MOCS2: variants seen among roughly 807,000 people sequenced by gnomAD.
The protein encoded by MOCS2 is molybdenum cofactor synthesis 2.
In MOCS2, 13 loss-of-function variants were observed where a neutral mutation model predicts 21.9. The observed-to-expected ratio is 0.59, with a 90% CI of 0.39 to 0.94. MOCS2 has a LOEUF of 0.94. Ranked by LOEUF, MOCS2 falls within the 40% of genes least tolerant of loss-of-function variation. The pLI, the probability that MOCS2 is intolerant of heterozygous loss-of-function variation, is 0.00. For synonymous variants in MOCS2, 92 were observed against 80.8 expected, an observed-to-expected ratio of 1.14 and a Z score of -0.74; for missense variants, 227 against 218.3, an observed-to-expected ratio of 1.04 and a Z score of -0.25.
At chr5:53,105,319 C>A (rs1741021825) in intron 3 of MOCS2, among the ~76,000 whole-genome samples, 2 of 152,106 alleles carry the variant, frequency 1.3e-5, no homozygotes, top group African/African-American at 4.8e-5. Flanking sequence ...TACCCAACTT[C>A]AAACTATACC....
At chr5:53,105,222 A>G (rs1468584280) in intron 3 of MOCS2, among the ~76,000 whole-genome samples, 1 of 152,134 alleles carries the variant, frequency 6.6e-6, no homozygotes, top group Non-Finnish European at 1.5e-5. Context: ...AAAAGTACAC[A>G]GACAGTCCAA....
Position 53,109,547 on chromosome 5 carries a change from C to CCGGGGT in MOCS2, c.-467_-466insACCCCG. ...AGTAAAGCCCGGAGACAGGAAGGGC[C>CCGGGGT]CGGGGGCGGGGGCGGGGGCGCCCCC... On this transcript the variant is annotated 5_prime_UTR_variant, in exon 1 of 7. Transcript: ENST00000396954. 1 of 1,341,398 alleles carries CCGGGGT rather than the reference C, an allele frequency of 7.5e-7. No individual in the cohort carries two copies. 83.1% of individuals were successfully genotyped at this position (1,341,398 alleles called of 1,614,324 possible). A position where few individuals can be genotyped will look rare whatever the true frequency, so the allele number is the denominator to read the frequency against.
Position 53,107,116 on chromosome 5 carries a change from G to C in MOCS2, c.59C>G (p.Ser20Cys). 1.2e-6 allele frequency: 2 copies of C among 1,614,110 alleles called. No individual in the cohort carries two copies. Among genetic ancestry groups the C allele is most frequent in the Non-Finnish European group, 1.7e-6 (2 of 1,180,002 alleles). ...CFSLETKLPL[S>C]PPLVEDSAFE... Reference sequence around the variant, plus strand: ...AGCACTATCCTCCACTAATGGGGGGGATAACGGCAATTTCGTCTCCAGGCT... The same window carrying C: ...AGCACTATCCTCCACTAATGGGGGGCATAACGGCAATTTCGTCTCCAGGCT... The change falls in exon 3 of 7, where the codon TCC becomes TGC. Residue 20 changes from serine (S) to cysteine (C), a missense_variant. Transcript: ENST00000396954.
chr5:53,102,499 G>C (rs1342898935), intron 3 of MOCS2, among the ~76,000 whole-genome samples: 1 of 152,110 alleles, frequency 6.6e-6, no homozygotes, highest in East Asian at 1.9e-4. Context: ...CTGATACAAT[G>C]ATACAAAGTT....
In MOCS2 at chr5:53,098,449, A is replaced by G. The variant is rs1740812382; in HGVS notation, c.*153T>C. On this transcript the variant is annotated 3_prime_UTR_variant, in exon 7 of 7. Coordinates refer to ENST00000396954, the MANE Select transcript of MOCS2 (RefSeq NM_004531.5). ...AAATAACCCTTCATCCTACATACCC[A>G]TTTATCTTGCTTCCTTTTTCTCCCT... 2.9e-6 allele frequency: 2 copies of G among 700,592 alleles called. No individual in the cohort carries two copies. Among genetic ancestry groups the G allele is most frequent in the South Asian group, 3.3e-5 (2 of 61,518 alleles). The allele number at this position is 700,592 out of a possible 1,614,324, so 43.4% of individuals were successfully genotyped here. A position where few individuals can be genotyped will look rare whatever the true frequency, so the allele number is the denominator to read the frequency against.
rs992020971 is a variant in MOCS2, at chr5:53,096,969, T to C, written c.*1633A>G. The C allele has an allele frequency of 1.3e-5, 2 of 152,176 alleles. No individual in the cohort carries two copies. The highest frequency in any genetic ancestry group is 4.8e-5 in the African/African-American group (2 of 41,428). The allele number at this position is 152,176 out of a possible 1,614,324, so 9.4% of individuals were successfully genotyped here. ...CAACCTATGTCCAAAATCCTAGAAA[T>C]GTCCAGTGACCCAGTAACCCCATGA... On this transcript the variant is annotated 3_prime_UTR_variant, in exon 7 of 7. Transcript: ENST00000396954.
In MOCS2 at chr5:53,109,547, C is replaced by CCGGGGGCGGGGGCGGGGGCGGGGG; in HGVS notation, c.-467_-466insCCCCCGCCCCCGCCCCCGCCCCCG. The stretch of plus-strand genomic sequence containing the variant: ...AGTAAAGCCCGGAGACAGGAAGGGC[C>CCGGGGGCGGGGGCGGGGGCGGGGG]CGGGGGCGGGGGCGGGGGCGCCCCC... On this transcript the variant is annotated 5_prime_UTR_variant, in exon 1 of 7. Transcript: ENST00000396954. 2 of 1,341,396 alleles carry CCGGGGGCGGGGGCGGGGGCGGGGG rather than the reference C, an allele frequency of 1.5e-6. No homozygotes were observed. Among genetic ancestry groups the CCGGGGGCGGGGGCGGGGGCGGGGG allele is most frequent in the Non-Finnish European group, 9.7e-7 (1 of 1,033,822 alleles). 83.1% of individuals were successfully genotyped at this position (1,341,396 alleles called of 1,614,324 possible). A position where few individuals can be genotyped will look rare whatever the true frequency, so the allele number is the denominator to read the frequency against.
rs1311909552 is a variant in MOCS2, at chr5:53,105,612, T to G, written c.98+1465A>C. ...AAGACTTAAATGTAAAACCAAAAAC[T>G]AGAAAAACCCTGGAAGACAATCTAG... On this transcript the variant is annotated intron_variant, in intron 3 of 6. Transcript: ENST00000396954. Among the ~76,000 whole-genome samples, 62 of 151,872 alleles carry G rather than the reference T, an allele frequency of 4.1e-4. 2 individuals are homozygous for G.
Position 53,098,233 on chromosome 5 carries a change from T to G in MOCS2, c.*369A>C. The G allele has an allele frequency of 4.6e-6, 1 of 219,702 alleles. No homozygotes were observed. Among genetic ancestry groups the G allele is most frequent in the Non-Finnish European group, 9.1e-6 (1 of 109,704 alleles). The allele number at this position is 219,702 out of a possible 1,614,324, so 13.6% of individuals were successfully genotyped here. ...CTCCCAGAACCGGGATGGGGGGCGGTGAGGTGGGGTTGGTGGGGGAGTACG... is the reference window on the plus strand; with the variant it reads ...CTCCCAGAACCGGGATGGGGGGCGGGGAGGTGGGGTTGGTGGGGGAGTACG... On this transcript the variant is annotated 3_prime_UTR_variant, in exon 7 of 7. Coordinates refer to ENST00000396954, the MANE Select transcript of MOCS2 (RefSeq NM_004531.5).
At chr5:53,104,988 T>C (rs1488063239) in intron 3 of MOCS2, among the ~76,000 whole-genome samples, 2 of 152,200 alleles carry the variant, frequency 1.3e-5, no homozygotes, top group East Asian at 1.9e-4. Flanking sequence ...TACTGAACAA[T>C]GTTCTTGTAC....
chr5:53,107,289 T>C, intron 2 of MOCS2, 68 bp from the exon 3 acceptor site: 3 of 1,378,534 alleles, frequency 2.2e-6, no homozygotes, highest in South Asian at 1.2e-5. Flanking sequence ...TCAGCTGCAA[T>C]TAGAGATATT....
In MOCS2 at chr5:53,109,366, T is replaced by C. The variant is rs1741140515; in HGVS notation, c.-285A>G. ...TCACAAGAATTCTCCATGAGGTGCA[T>C]TTCTTTTTAGATTAAAATTTTAGCT... On this transcript the variant is annotated 5_prime_UTR_variant, in exon 1 of 7. An upstream start codon of the reference 5' UTR is lost. Coordinates refer to ENST00000396954, the MANE Select transcript of MOCS2 (RefSeq NM_004531.5). 2 of 1,146,656 alleles carry C rather than the reference T, an allele frequency of 1.7e-6. No homozygotes were observed. Among genetic ancestry groups the C allele is most frequent in the Non-Finnish European group, 2.1e-6 (2 of 933,498 alleles). 71.0% of individuals were successfully genotyped at this position (1,146,656 alleles called of 1,614,324 possible). A position where few individuals can be genotyped will look rare whatever the true frequency, so the allele number is the denominator to read the frequency against.
chr5:53,106,582 A>G (rs1257875904), intron 3 of MOCS2, among the ~76,000 whole-genome samples: 2 of 152,220 alleles, frequency 1.3e-5, no homozygotes, highest in East Asian at 3.9e-4. Context: ...GAAGATTGAA[A>G]AAATAACTGA....
At chr5:53,107,551 C>CCTG in intron 2 of MOCS2, 6 of 300,438 alleles carry the variant, frequency 2.0e-5, no homozygotes, top group Non-Finnish European at 3.8e-5. Flanking sequence ...AGTACATGGC[C>CCTG]TTTCCAGGGT....
chr5:53,108,569 T>C lies in MOCS2; in HGVS notation c.-95A>G. 6.2e-7 allele frequency: 1 copy of C among 1,613,780 alleles called. No homozygotes were observed. The highest frequency in any genetic ancestry group is 1.7e-5 in the Admixed American group (1 of 60,010). The stretch of plus-strand genomic sequence containing the variant: ...CCTTCCACAGCTGCAACGCTTTTAT[T>C]TCTTGAGGCACAGAAATGGTCTCTG... On this transcript the variant is annotated 5_prime_UTR_variant, in exon 2 of 7. Coordinates refer to ENST00000396954, the MANE Select transcript of MOCS2 (RefSeq NM_004531.5).
rs1740797852 is a variant in MOCS2, at chr5:53,098,141, GATA to G, written c.*458_*460del. On this transcript the variant is annotated 3_prime_UTR_variant, in exon 7 of 7. Coordinates refer to ENST00000396954, the MANE Select transcript of MOCS2 (RefSeq NM_004531.5). ...AAAATGTATAATATCAAGACTGTCT[GATA>G]ATGCTTTTTTAATACTTTCCAGTTC... is the stretch of plus-strand genomic sequence containing the variant. 1.2e-5 allele frequency: 2 copies of G among 161,430 alleles called. No individual in the cohort carries two copies. Among genetic ancestry groups the G allele is most frequent in the Non-Finnish European group, 2.7e-5 (2 of 73,120 alleles). The allele number at this position is 161,430 out of a possible 1,614,324, so 10.0% of individuals were successfully genotyped here.
chr5:53,103,065 A>C (rs553943670), intron 3 of MOCS2, among the ~76,000 whole-genome samples: 91 of 152,160 alleles, frequency 6.0e-4, no homozygotes, highest in South Asian at 1.7e-3. Flanking sequence ...ACGGGCTCAC[A>C]TTCCTCAGAT....
intron 3 of MOCS2, among the ~76,000 whole-genome samples, chr5:53,105,772 A>G (rs1741033970): frequency 6.6e-6 from 1 of 152,254 alleles, no homozygotes; most frequent in Non-Finnish European, 1.5e-5. Flanking sequence ...AAAGGAAACT[A>G]TCAACAGAGT....
intron 3 of MOCS2, among the ~76,000 whole-genome samples, chr5:53,106,508 T>C (rs1351379594): frequency 6.6e-6 from 1 of 151,936 alleles, no homozygotes; most frequent in Non-Finnish European, 1.5e-5. Context: ...TGAGTACACA[T>C]GGACACAAAG....
Sources: allele counts gnomAD v4.1 joint callset (sites outside exome capture counted in the v4.1 genomes callset), GRCh38; gene constraint gnomAD v4.1.1; transcripts MANE v1.5; gene names NCBI Gene and HGNC (gene_info 2026-07-23, HGNC 2026-07-21).